CNTNAP2: variants seen among roughly 807,000 people sequenced by gnomAD.
CNTNAP2 encodes the protein contactin associated protein 2, also known as contactin-associated protein-like 2.
Under a neutral mutation model 155.2 loss-of-function variants are expected in CNTNAP2, and 98 were observed. The ratio of observed to expected loss-of-function variants is 0.63; its 90% CI spans 0.54 to 0.75. CNTNAP2 has a LOEUF of 0.75. Ranked by LOEUF, CNTNAP2 falls within the 30% of genes least tolerant of loss-of-function variation. The probability of loss-of-function intolerance (pLI) is 0.00; values close to 1 mark genes in which losing one functional copy is unlikely to be tolerated. For missense variants in CNTNAP2, 1,727 were observed against 1,688.1 expected (o/e 1.02, Z -0.40); for synonymous variants, 651 against 631.2 (o/e 1.03, Z -0.47).
intron 12 of CNTNAP2, among the ~76,000 whole-genome samples, chr7:147,619,001 G>C (rs73744516): frequency 6.6e-6 from 1 of 152,128 alleles, no homozygotes; most frequent in Non-Finnish European, 1.5e-5. Context: ...GACAGGAACA[G>C]GTCTCCAGAG....
chr7:147,527,305 G>A (rs1799344295), intron 11 of CNTNAP2, among the ~76,000 whole-genome samples: 1 of 152,090 alleles, frequency 6.6e-6, no homozygotes. Flanking sequence ...TTACAGGCGT[G>A]AGCAACTGTG....
At chr7:147,685,031 C>A (rs1372126692) in intron 13 of CNTNAP2, among the ~76,000 whole-genome samples, 1 of 151,780 alleles carries the variant, frequency 6.6e-6, no homozygotes, top group African/African-American at 2.4e-5. Context: ...TCTGAAGTAT[C>A]ATTTCTTCAC....
intron 1 of CNTNAP2, among the ~76,000 whole-genome samples, chr7:146,612,818 TG>T (rs1396348211): frequency 6.6e-6 from 1 of 152,168 alleles, no homozygotes; most frequent in Non-Finnish European, 1.5e-5. Context: ...TTTATAAAAC[TG>T]AGTATTTTTG....
chr7:147,241,865 C>G (rs891276856), intron 8 of CNTNAP2, among the ~76,000 whole-genome samples: 1 of 152,052 alleles, frequency 6.6e-6, no homozygotes, highest in East Asian at 1.9e-4. Context: ...GTAAGTATGG[C>G]CCATGCAATT....
intron 1 of CNTNAP2, among the ~76,000 whole-genome samples, chr7:146,737,880 T>C (rs986501055): frequency 1.3e-5 from 2 of 152,094 alleles, no homozygotes; most frequent in African/African-American, 4.8e-5. Flanking sequence ...TAGATAGATA[T>C]ACAAACACAC....
At chr7:147,880,291 C>T (rs1799496631) in intron 13 of CNTNAP2, among the ~76,000 whole-genome samples, 1 of 152,156 alleles carries the variant, frequency 6.6e-6, no homozygotes, top group South Asian at 2.1e-4. Flanking sequence ...TTCCTGGTGG[C>T]TCCAATAGCA....
rs148117102 is a variant in CNTNAP2, at chr7:148,398,845, C to T, written c.3716-10546C>T. On this transcript the variant is annotated intron_variant, in intron 22 of 23. Transcript: ENST00000361727. Reference sequence around the variant, plus strand: ...TTCATCTTATGAATTGTGCGAATCCCTGACCACTGCCTAAGAGGAAAGGTG... The same window carrying T: ...TTCATCTTATGAATTGTGCGAATCCTTGACCACTGCCTAAGAGGAAAGGTG... 6.7e-4 allele frequency among the ~76,000 whole-genome samples: 102 copies of T among 152,330 alleles called. 1 individual carries two copies. The highest frequency in any genetic ancestry group is 2.3e-3 in the African/African-American group (97 of 41,586).
chr7:146,689,499 A>T (rs894800558), intron 1 of CNTNAP2, among the ~76,000 whole-genome samples: 1 of 152,116 alleles, frequency 6.6e-6, no homozygotes, highest in African/African-American at 2.4e-5. Flanking sequence ...TTGTTCTATA[A>T]GCTCTAAACA....
chr7:146,956,006 A>G (rs1797427610), intron 3 of CNTNAP2, among the ~76,000 whole-genome samples: 1 of 151,932 alleles, frequency 6.6e-6, no homozygotes, highest in Non-Finnish European at 1.5e-5. Context: ...TTTTTTCATT[A>G]ATAGTGTTCC....
intron 15 of CNTNAP2, among the ~76,000 whole-genome samples, chr7:148,090,713 A>G (rs1803821511): frequency 6.6e-6 from 1 of 152,128 alleles, no homozygotes; most frequent in Admixed American, 6.6e-5. Context: ...TTAAAAATAG[A>G]GCTACCATAT....
chr7:148,259,853 C>A lies in CNTNAP2; in HGVS notation c.3382-7180C>A, dbSNP rs548024924. 2.0e-5 allele frequency among the ~76,000 whole-genome samples: 3 copies of A among 152,326 alleles called. No homozygotes were observed. The South Asian group carries it at 6.2e-4, about 32-fold the overall frequency. On this transcript the variant is annotated intron_variant, in intron 20 of 23. Coordinates refer to ENST00000361727, the MANE Select transcript of CNTNAP2 (RefSeq NM_014141.6). ...CAGTATGCTTCTAATGGCTTCATGG[C>A]AAATGTTGAACAAGTTAGTGTTCAC...
At chr7:146,212,832 T>C (rs1224203327) in intron 1 of CNTNAP2, among the ~76,000 whole-genome samples, 1 of 152,184 alleles carries the variant, frequency 6.6e-6, no homozygotes, top group Non-Finnish European at 1.5e-5. Context: ...TGGTTTCTGT[T>C]CAGTACATTG....
intron 12 of CNTNAP2, among the ~76,000 whole-genome samples, chr7:147,575,105 A>T (rs1800362412): frequency 1.2e-5 from 1 of 80,806 alleles, no homozygotes; most frequent in Non-Finnish European, 2.3e-5. Context: ...TCTTTGTGGG[A>T]AATGTGTGTG....
chr7:146,809,727 A>T (rs1410376860), intron 2 of CNTNAP2, among the ~76,000 whole-genome samples: 1 of 152,122 alleles, frequency 6.6e-6, no homozygotes, highest in African/African-American at 2.4e-5. Flanking sequence ...TTGTTTTGTA[A>T]TTGAGTTCCT....
intron 8 of CNTNAP2, among the ~76,000 whole-genome samples, chr7:147,299,433 G>GTTT (rs34268441): frequency 1.4e-5 from 2 of 143,234 alleles, no homozygotes; most frequent in African/African-American, 2.5e-5. Context: ...TTATTTTGCT[G>GTTT]TTTTTTTTTT....
chr7:147,356,406 C>T (rs762293382), intron 9 of CNTNAP2, among the ~76,000 whole-genome samples: 12 of 152,050 alleles, frequency 7.9e-5, no homozygotes, highest in Non-Finnish European at 1.5e-4. Context: ...CACTCCTATT[C>T]AACATAGTGT....
chr7:147,519,803 T>C (rs1006667584), intron 11 of CNTNAP2, among the ~76,000 whole-genome samples: 1 of 152,194 alleles, frequency 6.6e-6, no homozygotes, highest in Non-Finnish European at 1.5e-5. Context: ...AGACAGAGGT[T>C]GCAGTGAGCC....
At chr7:148,348,712 G>C (rs2116593968) in intron 21 of CNTNAP2, among the ~76,000 whole-genome samples, 2 of 152,270 alleles carry the variant, frequency 1.3e-5, no homozygotes, top group Admixed American at 1.3e-4. Context: ...TCATACCCCA[G>C]CCACACCCCC....
At chr7:147,954,494 T>C (rs1800987273) in intron 14 of CNTNAP2, among the ~76,000 whole-genome samples, 1 of 152,040 alleles carries the variant, frequency 6.6e-6, no homozygotes, top group Non-Finnish European at 1.5e-5. Context: ...TACTGAAAGA[T>C]GATGACATAA....
Sources: gnomAD v4.1 joint callset for allele counts (sites outside exome capture counted in the v4.1 genomes callset) on GRCh38, gnomAD v4.1.1 for gene constraint, MANE v1.5 for transcripts, NCBI Gene and HGNC (gene_info 2026-07-23, HGNC 2026-07-21) for gene names.